Variants in PCDHA8 observed in about 807,000 individuals in gnomAD.
PCDHA8 encodes the protein protocadherin alpha-8.
Under a neutral mutation model 61.8 loss-of-function variants are expected in PCDHA8, and 53 were observed. The ratio of observed to expected loss-of-function variants is 0.86; its 90% CI spans 0.69 to 1.08. The LOEUF (loss-of-function observed/expected upper bound fraction) is 1.08, where lower values mean the gene tolerates loss of function less well. Ranked by LOEUF, PCDHA8 falls within the 50% of genes least tolerant of loss-of-function variation. The pLI, the probability that PCDHA8 is intolerant of heterozygous loss-of-function variation, is 0.00. For missense variants in PCDHA8, 1,293 were observed against 1,245.0 expected, an observed-to-expected ratio of 1.04 and a Z score of -0.58; for synonymous variants, 618 against 556.6, an observed-to-expected ratio of 1.11 and a Z score of -1.55.
At chr5:140,899,228 T>G (rs1194169721) in intron 1 of PCDHA8, among the ~76,000 whole-genome samples, 1 of 152,126 alleles carries the variant, frequency 6.6e-6, no homozygotes, top group Non-Finnish European at 1.5e-5. Context: ...CAACACTATG[T>G]TGAATAGGAG....
chr5:140,858,822 T>C (rs1334522952), intron 1 of PCDHA8: 2 of 340,086 alleles, frequency 5.9e-6, no homozygotes, highest in Non-Finnish European at 1.1e-5. Context: ...TGATTGTATT[T>C]GCATTACCAA....
At chr5:140,959,343 C>T (rs1370310453) in intron 1 of PCDHA8, among the ~76,000 whole-genome samples, 1 of 152,052 alleles carries the variant, frequency 6.6e-6, no homozygotes, top group Admixed American at 6.6e-5. Context: ...CTACTGCACT[C>T]CAGCGGGACA....
rs1563376756 is a variant in PCDHA8, at chr5:140,968,306, C to G, written c.2395-10643C>G. 1.9e-6 allele frequency: 3 copies of G among 1,613,808 alleles called. No individual in the cohort carries two copies. The highest frequency in any genetic ancestry group is 2.5e-6 in the Non-Finnish European group (3 of 1,179,908). On this transcript the variant is annotated intron_variant, in intron 1 of 3. Transcript: ENST00000531613. ...CTACTCCCTTCTGGAGAGGGAGATT[C>G]AAGGGCTGCCAGTCACCTCCTATGT... is the stretch of plus-strand genomic sequence containing the variant.
intron 1 of PCDHA8, among the ~76,000 whole-genome samples, chr5:140,951,706 G>A (rs2094621330): frequency 6.6e-6 from 1 of 152,060 alleles, no homozygotes; most frequent in African/African-American, 2.4e-5. Context: ...CTTTGGGCGG[G>A]GACACAGATC....
At chr5:140,929,195 G>GT in intron 1 of PCDHA8, 2 of 1,614,140 alleles carry the variant, frequency 1.2e-6, no homozygotes, top group Non-Finnish European at 1.7e-6. Context: ...GATAATAACA[G>GT]TTTGCTGTTG....
At chr5:140,863,709 C>G (rs537647529) in intron 1 of PCDHA8, 1 of 285,634 alleles carries the variant, frequency 3.5e-6, no homozygotes, top group East Asian at 9.1e-5. Context: ...TTAAAGTACA[C>G]TGGGGCCGGG....
chr5:141,000,192 T>C lies in PCDHA8; in HGVS notation c.2543-9435T>C, dbSNP rs112948047. 6.4e-3 allele frequency among the ~76,000 whole-genome samples: 968 copies of C among 151,888 alleles called. 13 individuals carry two copies. Among genetic ancestry groups the C allele is most frequent in the African/African-American group, 0.023 (941 of 41,384 alleles). ...TTGAGCCAAGGAGTCAATGTGAGAA[T>C]AGTTTTTCACCTTCATTATCAAATG... On this transcript the variant is annotated intron_variant, in intron 3 of 3. Coordinates refer to ENST00000531613, the MANE Select transcript of PCDHA8 (RefSeq NM_018911.3).
chr5:140,843,688 A>T lies in PCDHA8; in HGVS notation c.2367A>T (p.Gln789His), dbSNP rs181500612. 24 of 1,588,306 alleles carry T rather than the reference A, an allele frequency of 1.5e-5. 1 individual carries two copies. In the East Asian group the frequency reaches 4.7e-4, roughly 31 times the overall value. The change falls in exon 1 of 4, where the codon CAA becomes CAT. Residue 789 changes from glutamine (Q) to histidine (H), a missense_variant. Physicochemically the swap from Gln to His is conservative, Grantham distance 24. Transcript: ENST00000531613. The stretch of plus-strand genomic sequence containing the variant: ...GATCAGTTGATGTAGGCGAAGAGCA[A>T]GATTTAAATGTTGATCATGGCCTCA... ...DLGSVDVGEE[Q>H]DLNVDHGLKP...
At chr5:140,867,399 A>C (rs1001723593) in intron 1 of PCDHA8, 2 of 152,166 alleles carry the variant, frequency 1.3e-5, no homozygotes, top group African/African-American at 4.8e-5. Flanking sequence ...AAAAGTTGAT[A>C]TGTCTCCTTT....
Position 141,010,117 on chromosome 5 carries a change from T to C in PCDHA8, c.*180T>C. Reference sequence around the variant, plus strand: ...TTTAACAGGTTTTGTCGTAAAAGCTTTACTAAGTCTGGTGTTAACTCTTTC... The same window carrying C: ...TTTAACAGGTTTTGTCGTAAAAGCTCTACTAAGTCTGGTGTTAACTCTTTC... On this transcript the variant is annotated 3_prime_UTR_variant, in exon 4 of 4. Transcript: ENST00000531613. 1 of 1,608,612 alleles carries C rather than the reference T, an allele frequency of 6.2e-7. No individual in the cohort carries two copies. The highest frequency in any genetic ancestry group is 8.5e-7 in the Non-Finnish European group (1 of 1,177,044).
At chr5:140,993,793 T>C (rs2097582526) in intron 3 of PCDHA8, among the ~76,000 whole-genome samples, 1 of 152,184 alleles carries the variant, frequency 6.6e-6, no homozygotes, top group African/African-American at 2.4e-5. Context: ...TAACATGCTG[T>C]GCAGGTTTGT....
intron 1 of PCDHA8, among the ~76,000 whole-genome samples, chr5:140,924,437 T>C (rs2081836231): frequency 6.6e-6 from 1 of 152,206 alleles, no homozygotes; most frequent in Non-Finnish European, 1.5e-5. Flanking sequence ...CTAGAAGAGA[T>C]AACGAATGGG....
At chr5:140,948,313 G>T (rs1554218515) in intron 1 of PCDHA8, among the ~76,000 whole-genome samples, 2 of 151,362 alleles carry the variant, frequency 1.3e-5, no homozygotes, top group Non-Finnish European at 3.0e-5. Flanking sequence ...TCTTCTTGAG[G>T]GGTAATGTTT....
intron 1 of PCDHA8, among the ~76,000 whole-genome samples, chr5:140,945,295 T>G (rs2093770302): frequency 6.6e-6 from 1 of 152,084 alleles, no homozygotes; most frequent in Non-Finnish European, 1.5e-5. Flanking sequence ...TGAAAGAAAT[T>G]GAAGAAGACA....
chr5:140,907,298 A>G (rs138771358), intron 1 of PCDHA8, among the ~76,000 whole-genome samples: 4 of 152,162 alleles, frequency 2.6e-5, no homozygotes, highest in Non-Finnish European at 4.4e-5. Flanking sequence ...CTGCTTCAGG[A>G]TGATGGGGAA....
chr5:140,887,482 CT>C lies in PCDHA8; in HGVS notation c.2394+43769del, dbSNP rs2061466213. 4.6e-5 allele frequency among the ~76,000 whole-genome samples: 7 copies of C among 152,170 alleles called. 1 individual carries two copies. The highest frequency in any genetic ancestry group is 4.6e-4 in the Admixed American group (7 of 15,274). ...AAGATATAATTCAGTTGTCTTCTGG[CT>C]TGCATAGTTTCTAATAAGATGTTTG... On this transcript the variant is annotated intron_variant, in intron 1 of 3. Coordinates refer to ENST00000531613, the MANE Select transcript of PCDHA8 (RefSeq NM_018911.3).
intron 3 of PCDHA8, among the ~76,000 whole-genome samples, chr5:140,989,192 C>A (rs1458235302): frequency 6.6e-6 from 1 of 152,192 alleles, no homozygotes; most frequent in African/African-American, 2.4e-5. Context: ...GAATTACCCT[C>A]CCTTCTAGCT....
At chr5:140,890,995 AATTATTG>A (rs2062893933) in intron 1 of PCDHA8, among the ~76,000 whole-genome samples, 1 of 152,138 alleles carries the variant, frequency 6.6e-6, no homozygotes, top group Non-Finnish European at 1.5e-5. Context: ...ATTTCATCAT[AATTATTG>A]AAAAGCATTT....
At chr5:140,985,981 C>T (rs966841419) in intron 3 of PCDHA8, among the ~76,000 whole-genome samples, 18 of 152,140 alleles carry the variant, frequency 1.2e-4, no homozygotes, top group Middle Eastern at 6.8e-3. Context: ...CCTCGTGATC[C>T]GCCCACCTCA....
Sources: gnomAD v4.1 joint callset for allele counts (sites outside exome capture counted in the v4.1 genomes callset) on GRCh38, gnomAD v4.1.1 for gene constraint, MANE v1.5 for transcripts, NCBI Gene and HGNC (gene_info 2026-07-23, HGNC 2026-07-21) for gene names.